Variants in PRDM6 observed in about 807,000 individuals in gnomAD.
PRDM6 encodes the protein putative histone-lysine N-methyltransferase PRDM6.
PRDM6 carries 25 observed loss-of-function variants against 60.8 expected under a neutral mutation model. The observed-to-expected ratio is 0.41, with a 90% CI of 0.30 to 0.57. The LOEUF is 0.57. Ranked by LOEUF, PRDM6 falls within the 20% of genes least tolerant of loss-of-function variation. PRDM6 has a pLI of 0.27. For synonymous variants in PRDM6, 407 were observed against 357.4 expected (o/e 1.14, Z -1.57); for missense variants, 839 against 821.3 (o/e 1.02, Z -0.26).
At chr5:123,130,128 C>CCCTCCCCTTCCCTG (rs1561836249) in intron 3 of PRDM6, among the ~76,000 whole-genome samples, 450 of 29,712 alleles carry the variant, frequency 0.015, 8 homozygotes, top group East Asian at 0.056. Context: ...CCCCTTCCCT[C>CCCTCCCCTTCCCTG]CCCTCTCCTT....
At position 123,099,195 on chromosome 5, in the gene PRDM6, G is replaced by T. The variant is rs1561802297; in HGVS notation, c.593-459G>T. ...TTGGGCAAGAGACGGGCTTTTTTTC[G>T]CAATACAAGGATAAACACATCCTGA... is the stretch of plus-strand genomic sequence containing the variant. On this transcript the variant is annotated intron_variant, in intron 2 of 7. Transcript: ENST00000407847. The surrounding 1 kb of genome is among the most constrained non-coding windows in gnomAD (Gnocchi z 4.0). Among the ~76,000 whole-genome samples the T allele has an allele frequency of 6.6e-6, 1 of 151,990 alleles. No individual in the cohort carries two copies. Among genetic ancestry groups the T allele is most frequent in the Non-Finnish European group, 1.5e-5 (1 of 68,012 alleles).
chr5:123,104,372 G>T (rs1284110846), intron 3 of PRDM6, among the ~76,000 whole-genome samples: 1 of 151,814 alleles, frequency 6.6e-6, no homozygotes, highest in East Asian at 1.9e-4. Context: ...TATGTATTTA[G>T]ATGTTGAAAA....
At chr5:123,180,084 G>A (rs1237263698) in intron 6 of PRDM6, 63 bp from the exon 7 acceptor site, 2 of 1,434,892 alleles carry the variant, frequency 1.4e-6, no homozygotes, top group African/African-American at 1.4e-5. Flanking sequence ...CTTGTCATAT[G>A]ATTCTGACTT....
intron 3 of PRDM6, among the ~76,000 whole-genome samples, chr5:123,106,804 A>G (rs1247772608): frequency 1.3e-5 from 2 of 152,266 alleles, no homozygotes; most frequent in African/African-American, 4.8e-5. Context: ...ATCCATTAAA[A>G]TGCTGTATGC....
rs189578506 is a variant in PRDM6, at chr5:123,156,532, C to T, written c.1028+521C>T. The stretch of plus-strand genomic sequence containing the variant: ...CAGTGACAGAGCCAGGGTAACTCTC[C>T]TGCTCCGTCTAAAGGTGGCAGTGGG... On this transcript the variant is annotated intron_variant, in intron 4 of 7. Transcript: ENST00000407847. 2.3e-4 allele frequency among the ~76,000 whole-genome samples: 35 copies of T among 152,332 alleles called. 1 individual carries two copies. The highest frequency in any genetic ancestry group is 2.1e-3 in the Admixed American group (32 of 15,298).
chr5:123,147,430 G>A (rs1259727113), intron 3 of PRDM6, among the ~76,000 whole-genome samples: 1 of 152,166 alleles, frequency 6.6e-6, no homozygotes, highest in Non-Finnish European at 1.5e-5. Flanking sequence ...TGTGCACTGT[G>A]GATATTATTG....
intron 7 of PRDM6, among the ~76,000 whole-genome samples, chr5:123,184,051 C>T (rs1766226645): frequency 6.6e-6 from 1 of 152,120 alleles, no homozygotes; most frequent in South Asian, 2.1e-4. Flanking sequence ...TTCCAAAGGA[C>T]ATCTAATATT....
At chr5:123,119,642 T>A (rs1764536701) in intron 3 of PRDM6, among the ~76,000 whole-genome samples, 1 of 152,340 alleles carries the variant, frequency 6.6e-6, no homozygotes, top group East Asian at 1.9e-4. Flanking sequence ...TCTTTTTGGG[T>A]GGCCTCACAA....
At chr5:123,177,553 C>T (rs904904244) in intron 6 of PRDM6, among the ~76,000 whole-genome samples, 2 of 152,170 alleles carry the variant, frequency 1.3e-5, no homozygotes, top group African/African-American at 4.8e-5. Flanking sequence ...GATTTTCTTA[C>T]TCTGAATTCT....
At chr5:123,166,206 T>C (rs924261760) in intron 5 of PRDM6, among the ~76,000 whole-genome samples, 2 of 152,176 alleles carry the variant, frequency 1.3e-5, no homozygotes, top group African/African-American at 4.8e-5. Context: ...TGCCTTTTTT[T>C]CCATTCCTTT....
rs556878204 is a variant in PRDM6 at position 123,171,199 on chromosome 5, A to G, written c.1496+91A>G. The G allele has an allele frequency of 3.3e-5, 34 of 1,038,784 alleles. No individual in the cohort carries two copies. In the East Asian group the frequency reaches 8.9e-4, roughly 27 times the overall value. The allele number at this position is 1,038,784 out of a possible 1,614,324, so 64.3% of individuals were successfully genotyped here. On this transcript the variant is annotated intron_variant, in intron 6 of 7. Coordinates refer to ENST00000407847, the MANE Select transcript of PRDM6 (RefSeq NM_001136239.4). ...AACTTCTGAGCACCTCCACAGGGGA[A>G]GCCCTGTGATTTGTGGTGTCTGCAT...
At chr5:123,118,114 T>A (rs1764498779) in intron 3 of PRDM6, among the ~76,000 whole-genome samples, 1 of 152,166 alleles carries the variant, frequency 6.6e-6, no homozygotes, top group Non-Finnish European at 1.5e-5. Flanking sequence ...AGGAGATGAA[T>A]GAAGAGCCAG....
chr5:123,119,416 G>A (rs778363775), intron 3 of PRDM6, among the ~76,000 whole-genome samples: 4 of 152,304 alleles, frequency 2.6e-5, no homozygotes, highest in East Asian at 1.9e-4. Context: ...CCTGAAAGCC[G>A]CTGGTGCTCA....
Position 123,187,316 on chromosome 5 carries a change from A to G in PRDM6, c.*115A>G, listed in dbSNP as rs1766311393. 1 of 685,664 alleles carries G rather than the reference A, an allele frequency of 1.5e-6. No individual in the cohort carries two copies. The highest frequency in any genetic ancestry group is 1.7e-5 in the South Asian group (1 of 58,384). The allele number at this position is 685,664 out of a possible 1,614,324, so 42.5% of individuals were successfully genotyped here. ...CTTTCAATCAGTCCCAGAAAACCAA[A>G]AGCAGTAATAAAATAAGTAAGATGT... On this transcript the variant is annotated 3_prime_UTR_variant, in exon 8 of 8. Coordinates refer to ENST00000407847, the MANE Select transcript of PRDM6 (RefSeq NM_001136239.4).
intron 2 of PRDM6, among the ~76,000 whole-genome samples, chr5:123,091,712 C>T (rs1763844552): frequency 6.6e-6 from 1 of 152,218 alleles, no homozygotes; most frequent in Admixed American, 6.5e-5. Flanking sequence ...AGATTGAAAG[C>T]AATACAGGAT....
chr5:123,185,016 A>G (rs1358686701), intron 7 of PRDM6, among the ~76,000 whole-genome samples: 1 of 152,172 alleles, frequency 6.6e-6, no homozygotes, highest in Non-Finnish European at 1.5e-5. Context: ...ATATTGGACA[A>G]ATTTTCTGAC....
At chr5:123,126,380 T>C (rs1580499329) in intron 3 of PRDM6, among the ~76,000 whole-genome samples, 1 of 151,852 alleles carries the variant, frequency 6.6e-6, no homozygotes. Context: ...TGGGCTCTGA[T>C]GCACCAAGTG....
intron 3 of PRDM6, among the ~76,000 whole-genome samples, chr5:123,142,037 C>T (rs1194449195): frequency 1.3e-5 from 2 of 151,648 alleles, no homozygotes; most frequent in African/African-American, 4.9e-5. Flanking sequence ...ATCTTTTTAA[C>T]AGTTTATTCT....
intron 3 of PRDM6, among the ~76,000 whole-genome samples, chr5:123,134,231 A>G (rs144524929): frequency 1.1e-4 from 17 of 152,252 alleles, no homozygotes; most frequent in African/African-American, 4.1e-4. Flanking sequence ...ACTACATTTG[A>G]GTTCCTTGTT....
Sources: allele counts gnomAD v4.1 joint callset (sites outside exome capture counted in the v4.1 genomes callset), GRCh38; gene constraint gnomAD v4.1.1; non-coding constraint Gnocchi (gnomAD v3.1); transcripts MANE v1.5; gene names NCBI Gene and HGNC (gene_info 2026-07-23, HGNC 2026-07-21).